The following FGF8 variants were observed in gnomAD, a reference collection of about 807,000 sequenced individuals.
FGF8 encodes fibroblast growth factor 8, also known as androgen-induced growth factor.
Under a neutral mutation model 29.7 loss-of-function variants are expected in FGF8, and 12 were observed. The ratio of observed to expected loss-of-function variants is 0.40; its 90% CI spans 0.26 to 0.65. The LOEUF (loss-of-function observed/expected upper bound fraction) is 0.65. Among genes scored for constraint, FGF8 ranks in the 30% least tolerant of loss-of-function variants. The probability of loss-of-function intolerance (pLI) is 0.37; values close to 1 mark genes in which losing one functional copy is unlikely to be tolerated. For missense variants in FGF8, 271 were observed against 345.1 expected (o/e 0.79, Z 1.70); for synonymous variants, 157 against 144.4 (o/e 1.09, Z -0.63).
At chr10:101,773,080 G>T (rs541504570) in intron 4 of FGF8, among the ~76,000 whole-genome samples, 1 of 152,082 alleles carries the variant, frequency 6.6e-6, no homozygotes, top group Admixed American at 6.6e-5. Context: ...TATTCTCCCC[G>T]GACTACTCCT....
At chr10:101,778,775 TCCCGCCGGGCC>T (rs984632190), upstream of FGF8, among the ~76,000 whole-genome samples, 1 of 152,212 alleles carries the variant, frequency 6.6e-6, no homozygotes, top group African/African-American at 2.4e-5. Context: ...GATGCAAATG[TCCCGCCGGGCC>T]CCCGCAGGCC....
Position 101,771,982 on chromosome 10 carries a change from T to C in FGF8, c.338-413A>G, listed in dbSNP as rs963709305. On this transcript the variant is annotated intron_variant, in intron 4 of 5. Transcript: ENST00000320185. This position sits in a 1 kb window ranked among gnomAD's most constrained non-coding sequence, Gnocchi z 5.3. ...AGGATCCTTCCAACTCCAAATATTA[T>C]GTGTGCGTGTCTCACAGGTCATTAC... Among the ~76,000 whole-genome samples the C allele has an allele frequency of 2.6e-5, 4 of 152,280 alleles. No homozygotes were observed. The highest frequency in any genetic ancestry group is 9.6e-5 in the African/African-American group (4 of 41,480).
At position 101,774,745 on chromosome 10, in the gene FGF8, G is replaced by A. The variant is rs760069691; in HGVS notation, c.324C>T (p.Asp108=). The A allele has an allele frequency of 6.2e-6, 10 of 1,605,458 alleles. No homozygotes were observed. The highest frequency in any genetic ancestry group is 2.1e-4 in the Middle Eastern group (1 of 4,826). ...AGCGCGCCTTACCGAAGGGGTCGCC[G>A]TCCTCTGCCATGGCGTTGATGCGCT... is the stretch of plus-strand genomic sequence containing the variant. ...ANKRINAMAE[D]GDPFAKLIVE... Residue 108 remains aspartate (D), a synonymous_variant, in exon 4 of 6, where the codon GAC becomes GAT. Transcript: ENST00000320185.
chr10:101,775,663 G>C lies in FGF8; in HGVS notation c.69+77C>G. On this transcript the variant is annotated intron_variant, in intron 2 of 5. Transcript: ENST00000320185. This position sits in a 1 kb window ranked among gnomAD's most constrained non-coding sequence, Gnocchi z 4.6. ...CCGCGCCGGCCGCAGAGTCAGTCCCGGTGCCCCCGACCGGCGCTGCCCACC... is the reference window on the plus strand; with the variant it reads ...CCGCGCCGGCCGCAGAGTCAGTCCCCGTGCCCCCGACCGGCGCTGCCCACC... 2 of 1,495,052 alleles carry C rather than the reference G, an allele frequency of 1.3e-6. No homozygotes were observed. The highest frequency in any genetic ancestry group is 2.3e-4 in the Middle Eastern group (1 of 4,332). 92.6% of individuals were successfully genotyped at this position (1,495,052 alleles called of 1,614,324 possible). A position where few individuals can be genotyped will look rare whatever the true frequency, so the allele number is the denominator to read the frequency against.
chr10:101,771,410 G>T lies in FGF8; in HGVS notation c.444+53C>A. 1 of 1,394,640 alleles carries T rather than the reference G, an allele frequency of 7.2e-7. No homozygotes were observed. Among genetic ancestry groups the T allele is most frequent in the Non-Finnish European group, 1.0e-6 (1 of 980,998 alleles). 86.4% of individuals were successfully genotyped at this position (1,394,640 alleles called of 1,614,324 possible). On this transcript the variant is annotated intron_variant, in intron 5 of 5. Transcript: ENST00000320185. The surrounding 1 kb of genome is among the most constrained non-coding windows in gnomAD (Gnocchi z 5.3). Reference sequence around the variant, plus strand: ...GGACTGTCTTGGAGGAGTCCAGCCAGCCCAAGCCACTCCCTAGGTCCCGCG... The same window carrying T: ...GGACTGTCTTGGAGGAGTCCAGCCATCCCAAGCCACTCCCTAGGTCCCGCG...
At chr10:101,778,544 G>A (rs182916530), upstream of FGF8, among the ~76,000 whole-genome samples, 9 of 152,344 alleles carry the variant, frequency 5.9e-5, no homozygotes, top group East Asian at 5.8e-4. Context: ...TGAAGGGTCC[G>A]AGGTCAAGTT....
chr10:101,770,425 G>A lies in FGF8; in HGVS notation c.639C>T (p.Thr213=). 1 of 1,609,208 alleles carries A rather than the reference G, an allele frequency of 6.2e-7. No individual in the cohort carries two copies. The highest frequency in any genetic ancestry group is 8.5e-7 in the Non-Finnish European group (1 of 1,178,024). The change falls in exon 6 of 6, where the codon ACC becomes ACT. Residue 213 remains threonine, a synonymous_variant. Transcript: ENST00000320185. ...ACTCGAAGCGCAGGCTCTGCTCGGT[G>A]GTGTGGTGGCCCCGGGGCAGCCGCT... is the stretch of plus-strand genomic sequence containing the variant. ...FMKRLPRGHH[T]TEQSLRFEFL...
chr10:101,779,209 C>A (rs559830342), upstream of FGF8, among the ~76,000 whole-genome samples: 8 of 152,314 alleles, frequency 5.3e-5, no homozygotes, highest in African/African-American at 1.9e-4. The surrounding 1 kb of genome is among the most constrained non-coding windows in gnomAD (Gnocchi z 5.7). Context: ...CGCTCCGACG[C>A]GCGCTTCCTG....
At chr10:101,779,239 C>T (rs982528699), upstream of FGF8, among the ~76,000 whole-genome samples, 1 of 152,238 alleles carries the variant, frequency 6.6e-6, no homozygotes, top group Non-Finnish European at 1.5e-5. This position sits in a 1 kb window ranked among gnomAD's most constrained non-coding sequence, Gnocchi z 5.7. Flanking sequence ...TTCAAAGCGC[C>T]GCGGACTCAC....
upstream of FGF8, among the ~76,000 whole-genome samples, chr10:101,779,252 C>A (rs992259819): frequency 6.6e-6 from 1 of 152,222 alleles, no homozygotes; most frequent in Non-Finnish European, 1.5e-5. This position sits in a 1 kb window ranked among gnomAD's most constrained non-coding sequence, Gnocchi z 5.7. Flanking sequence ...GGACTCACTG[C>A]CGACCGTTCA....
Position 101,771,396 on chromosome 10 carries a change from G to T in FGF8, c.444+67C>A. On this transcript the variant is annotated intron_variant, in intron 5 of 5. Coordinates refer to ENST00000320185, the MANE Select transcript of FGF8 (RefSeq NM_033163.5). The surrounding 1 kb of genome is among the most constrained non-coding windows in gnomAD (Gnocchi z 5.3). ...GGGATCAGAGCCCAGGACTGTCTTGGAGGAGTCCAGCCAGCCCAAGCCACT... is the reference window on the plus strand; with the variant it reads ...GGGATCAGAGCCCAGGACTGTCTTGTAGGAGTCCAGCCAGCCCAAGCCACT... 1 of 1,189,182 alleles carries T rather than the reference G, an allele frequency of 8.4e-7. No homozygotes were observed. The highest frequency in any genetic ancestry group is 1.3e-6 in the Non-Finnish European group (1 of 794,544). The allele number at this position is 1,189,182 out of a possible 1,614,324, so 73.7% of individuals were successfully genotyped here. A position where few individuals can be genotyped will look rare whatever the true frequency, so the allele number is the denominator to read the frequency against.
rs1589809739 is a variant in FGF8 at position 101,770,558 on chromosome 10, G to A, written c.506C>T (p.Ala169Val). ...TEIVLENNYT[A>V]LQNAKYEGWY... ...GCCCTCGTACTTGGCATTCTGCAGC[G>A]CTGTGTAGTTGTTCTCCAGCACAAT... Residue 169 changes from alanine (A) to valine (V), a missense_variant, in exon 6 of 6, where the codon GCG (alanine) becomes GTG (valine). Around this residue, in one of 3 missense-constraint regions of FGF8, gnomAD observed 41 missense variants for 80.0 expected, o/e 0.51. Transcript: ENST00000320185. The A allele has an allele frequency of 2.5e-6, 4 of 1,613,312 alleles. No individual in the cohort carries two copies. Among genetic ancestry groups the A allele is most frequent in the Non-Finnish European group, 2.5e-6 (3 of 1,179,980 alleles).
upstream of FGF8, among the ~76,000 whole-genome samples, chr10:101,776,352 G>C (rs2065094189): frequency 6.6e-6 from 1 of 150,908 alleles, no homozygotes; most frequent in African/African-American, 2.4e-5. Flanking sequence ...CTGGGCTAGG[G>C]GAGGGGTCTG....
At position 101,770,605 on chromosome 10, in the gene FGF8, G is replaced by A. The variant is rs1350396149; in HGVS notation, c.459C>T (p.Gly153=). 1 of 1,610,364 alleles carries A rather than the reference G, an allele frequency of 6.2e-7. No homozygotes were observed. Among genetic ancestry groups the A allele is most frequent in the Non-Finnish European group, 8.5e-7 (1 of 1,179,956 alleles). Residue 153 remains glycine (G), a synonymous_variant, in exon 6 of 6, where the codon GGC becomes GGT. Transcript: ENST00000320185. The part of the protein sequence containing the change: ...GKLIAKSNGK[G]KDCVFTEIVL... ...CAATCTCCGTGAAGACGCAGTCCTTGCCTTTGCCGTTGCTCTGCAGGTAGG... is the reference window on the plus strand; with the variant it reads ...CAATCTCCGTGAAGACGCAGTCCTTACCTTTGCCGTTGCTCTGCAGGTAGG...
Position 101,774,811 on chromosome 10 carries a change from G to A in FGF8, c.258C>T (p.Tyr86=). The A allele has an allele frequency of 2.5e-6, 4 of 1,613,340 alleles. No homozygotes were observed. The highest frequency in any genetic ancestry group is 3.4e-6 in the Non-Finnish European group (4 of 1,180,012). ...SRRLIRTYQL[Y]SRTSGKHVQV... ...GCACGTGCTTCCCGCTGGTGCGGCTGTAGAGTTGGTAGGTCCGGATGAGGC... is the reference window on the plus strand; with the variant it reads ...GCACGTGCTTCCCGCTGGTGCGGCTATAGAGTTGGTAGGTCCGGATGAGGC... The change falls in exon 4 of 6, where the codon TAC becomes TAT. Residue 86 remains tyrosine (Y), a synonymous_variant. Coordinates refer to ENST00000320185, the MANE Select transcript of FGF8 (RefSeq NM_033163.5).
rs2064998719 is a variant in FGF8, at chr10:101,770,247, C to T, written c.*82G>A. 7.3e-7 allele frequency: 1 copy of T among 1,375,128 alleles called. No individual in the cohort carries two copies. Among genetic ancestry groups the T allele is most frequent in the Non-Finnish European group, 9.9e-7 (1 of 1,012,204 alleles). 85.2% of individuals were successfully genotyped at this position (1,375,128 alleles called of 1,614,324 possible). ...CCTCCCCAGCCTGCAGAGCAGCGCA[C>T]AGCTCATCTTGCTTGAGTTTTGGGT... On this transcript the variant is annotated 3_prime_UTR_variant, in exon 6 of 6. Transcript: ENST00000320185.
upstream of FGF8, among the ~76,000 whole-genome samples, chr10:101,779,650 C>T (rs1242169130): frequency 1.4e-5 from 2 of 147,644 alleles, no homozygotes; most frequent in African/African-American, 2.5e-5. This position sits in a 1 kb window ranked among gnomAD's most constrained non-coding sequence, Gnocchi z 5.7. Context: ...ATGCAAGGAG[C>T]GATCAGTGGC....
chr10:101,775,608 G>A lies in FGF8; in HGVS notation c.69+132C>T. 9.7e-7 allele frequency: 1 copy of A among 1,031,984 alleles called. No homozygotes were observed. The highest frequency in any genetic ancestry group is 1.4e-6 in the Non-Finnish European group (1 of 712,152). The allele number at this position is 1,031,984 out of a possible 1,614,324, so 63.9% of individuals were successfully genotyped here. ...CAGCTCCCTCCTCGGGGTGGCTCGG[G>A]GCTGGGTTTCTAAGGTGCCCTCAGC... On this transcript the variant is annotated intron_variant, in intron 2 of 5. Coordinates refer to ENST00000320185, the MANE Select transcript of FGF8 (RefSeq NM_033163.5). This position sits in a 1 kb window ranked among gnomAD's most constrained non-coding sequence, Gnocchi z 4.6.
upstream of FGF8, among the ~76,000 whole-genome samples, chr10:101,780,036 G>A (rs578050521): frequency 3.7e-4 from 56 of 152,328 alleles, no homozygotes; most frequent in African/African-American, 1.2e-3. Flanking sequence ...GTACGACCAC[G>A]AGCGGCTTCA....
Sources: allele counts gnomAD v4.1 joint callset (sites outside exome capture counted in the v4.1 genomes callset), GRCh38; gene constraint gnomAD v4.1.1; regional missense constraint gnomAD v4.1.1; non-coding constraint Gnocchi (gnomAD v3.1); transcripts MANE v1.5; gene names NCBI Gene and HGNC (gene_info 2026-07-23, HGNC 2026-07-21).